The following NKAIN2 variants were observed in gnomAD, a reference collection of about 807,000 sequenced individuals.
NKAIN2 encodes sodium/potassium-transporting ATPase subunit beta-1-interacting protein 2.
NKAIN2 carries 14 observed loss-of-function variants against 32.6 expected under a neutral mutation model. That is an observed-to-expected ratio of 0.43 (90% confidence interval 0.28 to 0.67). The LOEUF (loss-of-function observed/expected upper bound fraction) is 0.67. NKAIN2 is among the 30% of genes least tolerant of loss of function. The pLI, the probability that NKAIN2 is intolerant of heterozygous loss-of-function variation, is 0.17. For synonymous variants in NKAIN2, 80 were observed against 87.2 expected, an observed-to-expected ratio of 0.92 and a Z score of 0.46; for missense variants, 198 against 258.3, an observed-to-expected ratio of 0.77 and a Z score of 1.60.
intron 3 of NKAIN2, among the ~76,000 whole-genome samples, chr6:124,393,611 T>A (rs116512925): frequency 0.01 from 1,530 of 152,180 alleles, 32 homozygotes; most frequent in African/African-American, 0.035. Context: ...ATTAAAAGGA[T>A]GAATCATAAT....
chr6:124,128,786 A>G (rs1045759637), intron 1 of NKAIN2, among the ~76,000 whole-genome samples: 4 of 152,138 alleles, frequency 2.6e-5, no homozygotes, highest in Admixed American at 2.0e-4. Context: ...AAAATATGTC[A>G]ATCTTTCTTC....
chr6:124,179,922 A>G (rs1014386771), intron 1 of NKAIN2, among the ~76,000 whole-genome samples: 5 of 152,196 alleles, frequency 3.3e-5, no homozygotes, highest in Non-Finnish European at 5.9e-5. Context: ...TATTTTCTGT[A>G]AGAGCTTGAC....
intron 5 of NKAIN2, among the ~76,000 whole-genome samples, chr6:124,807,947 C>G (rs1228483981): frequency 1.3e-5 from 2 of 148,748 alleles, no homozygotes; most frequent in African/African-American, 2.4e-5. Flanking sequence ...GAAGTTGAAT[C>G]TCCGAATAGA....
Position 124,087,035 on chromosome 6 carries a change from C to T in NKAIN2, c.55-195970C>T, listed in dbSNP as rs147264773. 5.5e-3 allele frequency among the ~76,000 whole-genome samples: 838 copies of T among 151,898 alleles called. 5 individuals are homozygous for T. The highest frequency in any genetic ancestry group is 9.7e-3 in the Non-Finnish European group (657 of 67,868). ...ACAAAAATCCTCTACAAAATATTAG[C>T]AAATTGAATCCAATAATATATTTTA... On this transcript the variant is annotated intron_variant, in intron 1 of 6. Coordinates refer to ENST00000368417, the MANE Select transcript of NKAIN2 (RefSeq NM_001040214.3).
At chr6:124,081,596 C>T (rs1783970238) in intron 1 of NKAIN2, among the ~76,000 whole-genome samples, 2 of 151,980 alleles carry the variant, frequency 1.3e-5, no homozygotes, top group Non-Finnish European at 1.5e-5. Context: ...AGGAGAAAAA[C>T]ACTTGCTTAT....
chr6:123,891,453 C>T (rs1282261812), intron 1 of NKAIN2, among the ~76,000 whole-genome samples: 7 of 152,160 alleles, frequency 4.6e-5, no homozygotes, highest in Non-Finnish European at 7.4e-5. Context: ...TGTCTCTTCA[C>T]TCTTTTTTTT....
chr6:124,118,201 C>T (rs775125231), intron 1 of NKAIN2, among the ~76,000 whole-genome samples: 1 of 152,056 alleles, frequency 6.6e-6, no homozygotes, highest in Non-Finnish European at 1.5e-5. Flanking sequence ...AACTGATACT[C>T]TCATTTATTT....
At chr6:124,681,518 C>T (rs1773618633) in intron 4 of NKAIN2, among the ~76,000 whole-genome samples, 1 of 151,968 alleles carries the variant, frequency 6.6e-6, no homozygotes, top group Non-Finnish European at 1.5e-5. Context: ...AATCTTGTTA[C>T]TTAATTGCTA....
chr6:124,125,022 G>T (rs1209494057), intron 1 of NKAIN2, among the ~76,000 whole-genome samples: 1 of 152,124 alleles, frequency 6.6e-6, no homozygotes, highest in African/African-American at 2.4e-5. Context: ...ATTGACATTT[G>T]CAAATAGGAG....
At chr6:124,641,437 A>G (rs779760037) in intron 3 of NKAIN2, among the ~76,000 whole-genome samples, 8 of 151,594 alleles carry the variant, frequency 5.3e-5, no homozygotes, top group Non-Finnish European at 1.2e-4. Flanking sequence ...ATTAAAACAT[A>G]TAATAGCAAT....
chr6:124,388,183 CA>C (rs71753088), intron 3 of NKAIN2, among the ~76,000 whole-genome samples: 1,631 of 147,506 alleles, frequency 0.011, 31 homozygotes, highest in African/African-American at 0.037. Context: ...ATTAATTTTA[CA>C]AAAAAAAAAC....
intron 1 of NKAIN2, among the ~76,000 whole-genome samples, chr6:124,218,704 T>C (rs1791618633): frequency 6.6e-6 from 1 of 152,244 alleles, no homozygotes; most frequent in South Asian, 2.1e-4. Flanking sequence ...TAATCAATTA[T>C]AGTAAGTTGT....
chr6:123,833,542 C>T (rs1562207589), intron 1 of NKAIN2, among the ~76,000 whole-genome samples: 1 of 152,062 alleles, frequency 6.6e-6, no homozygotes, highest in Non-Finnish European at 1.5e-5. Flanking sequence ...ACATTGTTTC[C>T]TATTCCTATT....
intron 1 of NKAIN2, among the ~76,000 whole-genome samples, chr6:123,840,345 A>G (rs1407650361): frequency 6.6e-6 from 1 of 152,096 alleles, no homozygotes; most frequent in Non-Finnish European, 1.5e-5. Context: ...CCAAAAAATT[A>G]TACAACCATA....
At chr6:124,498,052 A>G (rs1452567689) in intron 3 of NKAIN2, among the ~76,000 whole-genome samples, 1 of 152,124 alleles carries the variant, frequency 6.6e-6, no homozygotes, top group African/African-American at 2.4e-5. Flanking sequence ...TGGGAAGAAT[A>G]TATATAGTTG....
At chr6:124,243,000 C>T (rs1214981834) in intron 1 of NKAIN2, among the ~76,000 whole-genome samples, 1 of 150,596 alleles carries the variant, frequency 6.6e-6, no homozygotes, top group African/African-American at 2.5e-5. Context: ...AACATACCTG[C>T]AGGTTCTGCA....
At chr6:123,992,807 C>T (rs1055519672) in intron 1 of NKAIN2, among the ~76,000 whole-genome samples, 7 of 152,152 alleles carry the variant, frequency 4.6e-5, no homozygotes, top group African/African-American at 1.4e-4. Context: ...GAGTTACTTC[C>T]AGATACTTTC....
chr6:124,365,188 A>G (rs1379188960), intron 3 of NKAIN2, among the ~76,000 whole-genome samples: 2 of 151,946 alleles, frequency 1.3e-5, no homozygotes, highest in East Asian at 1.9e-4. Context: ...TCTTAAATAT[A>G]TCAATAAATA....
intron 3 of NKAIN2, among the ~76,000 whole-genome samples, chr6:124,391,281 T>C (rs944677975): frequency 6.6e-5 from 10 of 152,160 alleles, no homozygotes. Flanking sequence ...ACCTGTCAGC[T>C]GATGAAGTGA....
Sources: gnomAD v4.1 joint callset for allele counts (sites outside exome capture counted in the v4.1 genomes callset) on GRCh38, gnomAD v4.1.1 for gene constraint, MANE v1.5 for transcripts, NCBI Gene and HGNC (gene_info 2026-07-23, HGNC 2026-07-21) for gene names.